Variants in PCDH9 observed in about 807,000 individuals in gnomAD.
The protein encoded by PCDH9 is protocadherin 9, also known as protocadherin-9.
A neutral mutation model predicts 70.6 loss-of-function variants in PCDH9; 24 were observed. The ratio of observed to expected loss-of-function variants is 0.34; its 90% CI spans 0.25 to 0.48. The LOEUF is 0.48. Among genes scored for constraint, PCDH9 ranks in the 20% least tolerant of loss-of-function variants. PCDH9 has a pLI of 0.99. For missense variants in PCDH9, 1,281 were observed against 1,503.6 expected, an observed-to-expected ratio of 0.85 and a Z score of 2.45; for synonymous variants, 562 against 558.5, an observed-to-expected ratio of 1.01 and a Z score of -0.09.
intron 4 of PCDH9, among the ~76,000 whole-genome samples, chr13:66,572,261 T>C (rs1017495045): frequency 6.6e-6 from 1 of 152,234 alleles, no homozygotes; most frequent in African/African-American, 2.4e-5. Flanking sequence ...AAATATACAA[T>C]AAATTATTGT....
At chr13:66,305,678 A>G (rs925607238) in intron 4 of PCDH9, among the ~76,000 whole-genome samples, 1 of 152,094 alleles carries the variant, frequency 6.6e-6, no homozygotes, top group Non-Finnish European at 1.5e-5. Flanking sequence ...TCAGCTGCAA[A>G]CATTCTGAAA....
At chr13:67,139,410 A>G (rs1014986143) in intron 2 of PCDH9, among the ~76,000 whole-genome samples, 2 of 152,194 alleles carry the variant, frequency 1.3e-5, no homozygotes, top group Non-Finnish European at 2.9e-5. Context: ...TGATTCCAGC[A>G]CAGAAGTTAC....
chr13:66,999,483 T>C (rs2084194033), intron 2 of PCDH9, among the ~76,000 whole-genome samples: 1 of 152,150 alleles, frequency 6.6e-6, no homozygotes, highest in South Asian at 2.1e-4. Context: ...AAAAAGTTTT[T>C]AGTTTAATTA....
chr13:66,822,942 T>G (rs2080741012), intron 3 of PCDH9, among the ~76,000 whole-genome samples: 2 of 152,134 alleles, frequency 1.3e-5, no homozygotes, highest in Admixed American at 6.6e-5. Flanking sequence ...ATATAGGAAT[T>G]GCTAATATAT....
At chr13:66,843,474 G>T (rs1309165602) in intron 3 of PCDH9, among the ~76,000 whole-genome samples, 1 of 152,136 alleles carries the variant, frequency 6.6e-6, no homozygotes, top group Non-Finnish European at 1.5e-5. Context: ...AATATTTGCT[G>T]TTGCCTTCAG....
intron 3 of PCDH9, among the ~76,000 whole-genome samples, chr13:66,701,836 T>C (rs1310893043): frequency 6.6e-6 from 1 of 152,240 alleles, no homozygotes; most frequent in Non-Finnish European, 1.5e-5. Context: ...AACTATGTGC[T>C]CAATGCCATG....
chr13:66,650,600 C>T (rs192521981), intron 3 of PCDH9, among the ~76,000 whole-genome samples: 8 of 151,958 alleles, frequency 5.3e-5, no homozygotes, highest in East Asian at 1.9e-4. Flanking sequence ...AGTAAGGGGA[C>T]GTTGTCTTGC....
intron 2 of PCDH9, among the ~76,000 whole-genome samples, chr13:67,170,017 A>G (rs2088235419): frequency 6.6e-6 from 1 of 152,004 alleles, no homozygotes; most frequent in African/African-American, 2.4e-5. Flanking sequence ...TCCTTTTTTT[A>G]TATTATTTCT....
chr13:66,722,217 C>T (rs1593952637), intron 3 of PCDH9, among the ~76,000 whole-genome samples: 2 of 152,216 alleles, frequency 1.3e-5, no homozygotes, highest in East Asian at 3.9e-4. Flanking sequence ...AAAACTGAGG[C>T]TACGTATCAG....
intron 2 of PCDH9, among the ~76,000 whole-genome samples, chr13:66,934,080 G>C (rs964579539): frequency 1.3e-5 from 2 of 152,034 alleles, no homozygotes; most frequent in African/African-American, 4.8e-5. Context: ...CCTGCCTACT[G>C]CCTGCCTTGC....
intron 4 of PCDH9, among the ~76,000 whole-genome samples, chr13:66,437,910 G>T (rs375670656): frequency 1.3e-5 from 2 of 152,098 alleles, no homozygotes; most frequent in Admixed American, 6.6e-5. Flanking sequence ...CGTGATCTGG[G>T]TGCTGTTTCT....
chr13:66,687,403 T>C (rs1325940349), intron 3 of PCDH9, among the ~76,000 whole-genome samples: 2 of 152,164 alleles, frequency 1.3e-5, no homozygotes, highest in Non-Finnish European at 2.9e-5. Flanking sequence ...AGTATTTTTT[T>C]CTTGCGGATC....
At chr13:66,536,291 C>T (rs1960700404) in intron 4 of PCDH9, among the ~76,000 whole-genome samples, 1 of 152,042 alleles carries the variant, frequency 6.6e-6, no homozygotes, top group Admixed American at 6.6e-5. Context: ...GATTCCTTGT[C>T]CAGTGCTCTT....
intron 4 of PCDH9, among the ~76,000 whole-genome samples, chr13:66,572,122 G>T (rs1314377446): frequency 6.6e-6 from 1 of 151,910 alleles, no homozygotes. Flanking sequence ...TATTTGTAGG[G>T]TACATGTGAT....
intron 4 of PCDH9, among the ~76,000 whole-genome samples, chr13:66,466,169 T>C (rs1351429044): frequency 5.9e-5 from 9 of 151,906 alleles, no homozygotes; most frequent in Non-Finnish European, 1.3e-4. Flanking sequence ...CTATCCCTTC[T>C]CTCTATTTTT....
At chr13:67,104,408 C>T (rs1222341664) in intron 2 of PCDH9, among the ~76,000 whole-genome samples, 1 of 152,162 alleles carries the variant, frequency 6.6e-6, no homozygotes, top group East Asian at 1.9e-4. Flanking sequence ...CCCCGCCCAC[C>T]CAAGCCTTTG....
chr13:66,476,696 C>T (rs1344689304), intron 4 of PCDH9, among the ~76,000 whole-genome samples: 1 of 151,956 alleles, frequency 6.6e-6, no homozygotes, highest in Non-Finnish European at 1.5e-5. Flanking sequence ...GCCTGTCTCT[C>T]TTCCATATTC....
intron 3 of PCDH9, among the ~76,000 whole-genome samples, chr13:66,704,573 AGAG>A (rs1181985463): frequency 1.8e-4 from 27 of 152,200 alleles, no homozygotes; most frequent in Admixed American, 1.8e-3. Context: ...GGTGAAGAAG[AGAG>A]GAGAGGAAGA....
chr13:66,986,014 C>G lies in PCDH9; in HGVS notation c.3037-82409G>C, dbSNP rs775990700. Among the ~76,000 whole-genome samples, 30 of 151,932 alleles carry G rather than the reference C, an allele frequency of 2.0e-4. 1 individual carries two copies. The highest frequency in any genetic ancestry group is 2.9e-4 in the Non-Finnish European group (20 of 67,942). On this transcript the variant is annotated intron_variant, in intron 2 of 4. Transcript: ENST00000377865. ...GGTGTATTAGTCTGTTCTCATGCTA[C>G]TATAAAGAGCTGCCAGAGACTGGGT...
Sources: allele counts gnomAD v4.1 joint callset (sites outside exome capture counted in the v4.1 genomes callset), GRCh38; gene constraint gnomAD v4.1.1; transcripts MANE v1.5; gene names NCBI Gene and HGNC (gene_info 2026-07-23, HGNC 2026-07-21).